Variants in TMEM40 observed in about 807,000 individuals in gnomAD.
TMEM40 encodes transmembrane protein 40.
In TMEM40, 34 loss-of-function variants were observed where a neutral mutation model predicts 40.8. That is an observed-to-expected ratio of 0.83 (90% CI 0.63 to 1.11). TMEM40 has a LOEUF of 1.11. Ranked by LOEUF, TMEM40 falls within the 50% of genes least tolerant of loss-of-function variation. The pLI is 0.00. For synonymous variants in TMEM40, 106 were observed against 107.0 expected, an observed-to-expected ratio of 0.99 and a Z score of 0.06; for missense variants, 296 against 280.2, an observed-to-expected ratio of 1.06 and a Z score of -0.40.
In TMEM40 at chr3:12,749,804, G is replaced by A. The variant is rs765614026; in HGVS notation, c.29C>T (p.Pro10Leu). ...TCTGTGGACTTGACTGTTGTCCTGA[G>A]GCTGGGAGGAGGATGCTGAAGTCTC... Reference protein sequence around the residue: METSASSSQPQDNSQVHRET... With the variant: METSASSSQLQDNSQVHRET... The change falls in exon 2 of 12, where the codon CCT becomes CTT. Residue 10 changes from proline (P) to leucine (L), a missense_variant. Physicochemically the swap from Pro to Leu is moderately conservative, Grantham distance 98. Coordinates refer to ENST00000314124, the MANE Select transcript of TMEM40 (RefSeq NM_018306.4). 14 of 1,613,972 alleles carry A rather than the reference G, an allele frequency of 8.7e-6. No homozygotes were observed. The highest frequency in any genetic ancestry group is 1.0e-5 in the Non-Finnish European group (12 of 1,180,052).
chr3:12,763,424 G>T (rs2061581649), upstream of TMEM40, among the ~76,000 whole-genome samples: 1 of 152,118 alleles, frequency 6.6e-6, no homozygotes, highest in African/African-American at 2.4e-5. Context: ...TGTAAGGCAG[G>T]CCCCAGCTCA....
chr3:12,748,652 T>C lies in TMEM40; in HGVS notation c.211+3A>G, dbSNP rs752833591. ...TATACATATATTTAAATCTCTGCTATACCTGAGGAGGAGGAGGATGAAGAA... is the reference window on the plus strand; with the variant it reads ...TATACATATATTTAAATCTCTGCTACACCTGAGGAGGAGGAGGATGAAGAA... On this transcript the variant is annotated splice_donor_region_variant and intron_variant, in intron 3 of 11. Transcript: ENST00000314124. The C allele has an allele frequency of 1.2e-6, 2 of 1,610,986 alleles. No homozygotes were observed. The highest frequency in any genetic ancestry group is 2.2e-5 in the South Asian group (2 of 90,950).
At chr3:12,747,211 C>A (rs2106614479) in intron 3 of TMEM40, among the ~76,000 whole-genome samples, 1 of 151,372 alleles carries the variant, frequency 6.6e-6, no homozygotes, top group East Asian at 1.9e-4. Flanking sequence ...CCTTCCAGCC[C>A]AGAGACCTTT....
At chr3:12,765,235 A>G (rs1369002803) in intron 1 of TMEM40, among the ~76,000 whole-genome samples, 2 of 152,216 alleles carry the variant, frequency 1.3e-5, no homozygotes, top group Non-Finnish European at 2.9e-5. Context: ...GTGCAAAACT[A>G]GTGATTTGTA....
At chr3:12,761,175 C>G (rs1456705992), upstream of TMEM40, among the ~76,000 whole-genome samples, 3 of 152,146 alleles carry the variant, frequency 2.0e-5, no homozygotes, top group East Asian at 5.8e-4. Context: ...GCAAATAATC[C>G]TGAACAGCCA....
chr3:12,754,265 C>T (rs1409498852), intron 1 of TMEM40, among the ~76,000 whole-genome samples: 3 of 152,054 alleles, frequency 2.0e-5, no homozygotes, highest in South Asian at 2.1e-4. Context: ...TGAGCCGAGA[C>T]CGCACCACTG....
chr3:12,748,938 T>C (rs2061451150), intron 2 of TMEM40, 146 bp from the exon 3 acceptor site: 1 of 695,568 alleles, frequency 1.4e-6, no homozygotes. Context: ...CAATGCAACA[T>C]GCAGGAGACC....
intron 1 of TMEM40, among the ~76,000 whole-genome samples, chr3:12,765,959 C>T (rs1390905618): frequency 2.0e-5 from 3 of 152,016 alleles, no homozygotes; most frequent in Admixed American, 6.6e-5. Context: ...CGCGTTCAAG[C>T]GATTCTCCCA....
At chr3:12,755,679 C>T (rs907383025) in intron 1 of TMEM40, among the ~76,000 whole-genome samples, 9 of 151,954 alleles carry the variant, frequency 5.9e-5, no homozygotes, top group Admixed American at 5.2e-4. Flanking sequence ...ATAGTTTAGC[C>T]CTGATGTGCA....
upstream of TMEM40, among the ~76,000 whole-genome samples, chr3:12,760,744 A>AC (rs2061564014): frequency 6.9e-6 from 1 of 144,118 alleles, no homozygotes; most frequent in Non-Finnish European, 1.5e-5. Context: ...GTGCTCACTA[A>AC]TTTTTTTTTT....
chr3:12,756,248 T>G (rs6783990), intron 1 of TMEM40, among the ~76,000 whole-genome samples: 16,270 of 152,080 alleles, frequency 0.11, 1,524 homozygotes, highest in African/African-American at 0.25. Flanking sequence ...CCACTACCAT[T>G]GGTGATTGAA....
At chr3:12,735,375 G>A (rs1473074112) in intron 11 of TMEM40, among the ~76,000 whole-genome samples, 180 bp downstream of exon 11, 2 of 151,942 alleles carry the variant, frequency 1.3e-5, no homozygotes, top group Non-Finnish European at 2.9e-5. Flanking sequence ...TTTTCCAGTT[G>A]AGGAAACCGA....
intron 1 of TMEM40, chr3:12,769,121 C>G (rs1008734696): frequency 6.8e-5 from 15 of 221,536 alleles, no homozygotes; most frequent in Non-Finnish European, 1.5e-4. Context: ...GTGCTAAGCC[C>G]CTCACTGCCC....
chr3:12,767,400 A>C lies in TMEM40; in HGVS notation c.-9+1851T>G, dbSNP rs375930891. Among the ~76,000 whole-genome samples the C allele has an allele frequency of 6.0e-4, 92 of 152,292 alleles. 1 individual carries two copies. In the South Asian group the frequency reaches 0.016, roughly 27 times the overall value. On this transcript the variant is annotated intron_variant, in intron 1 of 11. Coordinates refer to the TMEM40 transcript ENST00000264728. ...GAGGGCGGGAGATGTCCTCTTTCCC[A>C]GGCGACTGTGGCATCGATAGAAGAG...
chr3:12,763,671 C>G (rs577002111), upstream of TMEM40, among the ~76,000 whole-genome samples: 9 of 152,086 alleles, frequency 5.9e-5, no homozygotes, highest in Admixed American at 5.2e-4. Context: ...ATAAAAATGG[C>G]GGGACACAGC....
intron 1 of TMEM40, among the ~76,000 whole-genome samples, chr3:12,755,984 C>G (rs1279689147): frequency 6.6e-6 from 1 of 152,174 alleles, no homozygotes; most frequent in Admixed American, 6.5e-5. Flanking sequence ...AAACAAGCAA[C>G]AGGAAAAGTG....
intron 1 of TMEM40, among the ~76,000 whole-genome samples, chr3:12,754,967 CTCT>C (rs1177193775): frequency 1.3e-5 from 2 of 149,072 alleles, no homozygotes; most frequent in Non-Finnish European, 2.9e-5. Context: ...TTCTTTCTTT[CTCT>C]TTTTTCTTTC....
chr3:12,765,945 C>G (rs2061592200), intron 1 of TMEM40, among the ~76,000 whole-genome samples: 1 of 152,088 alleles, frequency 6.6e-6, no homozygotes, highest in African/African-American at 2.4e-5. Context: ...CAACCTCCAC[C>G]TCCCGCGTTC....
intron 8 of TMEM40, 70 bp downstream of exon 8, chr3:12,737,637 C>T (rs1387304227): frequency 2.1e-6 from 3 of 1,463,064 alleles, no homozygotes; most frequent in African/African-American, 2.8e-5. Flanking sequence ...TGCTAGGCCA[C>T]CAGCTGCATT....
Sources: gnomAD v4.1 joint callset for allele counts (sites outside exome capture counted in the v4.1 genomes callset) on GRCh38, gnomAD v4.1.1 for gene constraint, MANE v1.5 for transcripts, NCBI Gene and HGNC (gene_info 2026-07-23, HGNC 2026-07-21) for gene names.